The following MAN1A1 variants were observed in gnomAD, a reference collection of about 807,000 sequenced individuals.
The protein encoded by MAN1A1 is mannosidase alpha class 1A member 1.
MAN1A1 carries 29 observed loss-of-function variants against 70.8 expected under a neutral mutation model. That is an observed-to-expected ratio of 0.41 (90% CI 0.31 to 0.56). The LOEUF (loss-of-function observed/expected upper bound fraction) is 0.56. Ranked by LOEUF, MAN1A1 falls within the 20% of genes least tolerant of loss-of-function variation. The probability of loss-of-function intolerance (pLI) is 0.29; values close to 1 mark genes in which losing one functional copy is unlikely to be tolerated. For missense variants in MAN1A1, 747 were observed against 841.3 expected (o/e 0.89, Z 1.39); for synonymous variants, 349 against 330.1 (o/e 1.06, Z -0.62).
chr6:119,287,236 A>G (rs994591002), intron 5 of MAN1A1, among the ~76,000 whole-genome samples: 7 of 152,120 alleles, frequency 4.6e-5, no homozygotes, highest in Non-Finnish European at 7.4e-5. Context: ...GAGATCCCCT[A>G]TGCCAACTTG....
Position 119,306,994 on chromosome 6 carries a change from T to G in MAN1A1, c.604-2A>C. 3 of 1,537,506 alleles carry G rather than the reference T, an allele frequency of 2.0e-6. No individual in the cohort carries two copies. Among genetic ancestry groups the G allele is most frequent in the Non-Finnish European group, 8.9e-7 (1 of 1,118,338 alleles). ...ATTATTCCAAGCATGTTTCATCATCTGAAAAAAAAAATAAAAACAGGATTA... is the reference window on the plus strand; with the variant it reads ...ATTATTCCAAGCATGTTTCATCATCGGAAAAAAAAAATAAAAACAGGATTA... On this transcript the variant is annotated splice_acceptor_variant, in intron 2 of 12. Coordinates refer to ENST00000368468, the MANE Select transcript of MAN1A1 (RefSeq NM_005907.4). LOFTEE classifies it high-confidence loss of function.
At chr6:119,334,167 T>C (rs1773392552) in intron 2 of MAN1A1, among the ~76,000 whole-genome samples, 1 of 152,156 alleles carries the variant, frequency 6.6e-6, no homozygotes, top group African/African-American at 2.4e-5. Context: ...TAAACAGAAA[T>C]AACCTTTGAT....
Position 119,302,025 on chromosome 6 carries a change from G to C in MAN1A1, c.779C>G (p.Ala260Gly), listed in dbSNP as rs756706766. Residue 260 changes from alanine (A) to glycine (G), a missense_variant, in exon 4 of 13, where the codon GCA (alanine) becomes GGA (glycine). By Grantham distance (60) the Ala-to-Gly change is moderately conservative. Coordinates refer to ENST00000368468, the MANE Select transcript of MAN1A1 (RefSeq NM_005907.4). ...TAAATTTTCTTCAACCCATGATTTT[G>C]CTTCTTCAAATTCATGTTTCATTTC... Reference protein sequence around the residue: ...IMEMKHEFEEAKSWVEENLDF... With the variant: ...IMEMKHEFEEGKSWVEENLDF... The C allele has an allele frequency of 1.8e-5, 29 of 1,606,690 alleles. No individual in the cohort carries two copies. Among genetic ancestry groups the C allele is most frequent in the South Asian group, 8.8e-5 (8 of 90,742 alleles).
At chr6:119,241,648 G>A (rs1775005575) in intron 6 of MAN1A1, among the ~76,000 whole-genome samples, 1 of 152,096 alleles carries the variant, frequency 6.6e-6, no homozygotes, top group African/African-American at 2.4e-5. Flanking sequence ...TAATTTTCTA[G>A]GATTTTAAAA....
intron 2 of MAN1A1, among the ~76,000 whole-genome samples, chr6:119,329,684 T>A (rs2114490656): frequency 1.3e-5 from 2 of 152,314 alleles, no homozygotes; most frequent in Non-Finnish European, 2.9e-5. Context: ...TGCTCAGCAG[T>A]GCCCAGCAAG....
At chr6:119,302,168 A>G (rs1303128762) in intron 3 of MAN1A1, 65 bp from the exon 4 acceptor site, 3 of 742,520 alleles carry the variant, frequency 4.0e-6, no homozygotes, top group Non-Finnish European at 7.0e-6. Flanking sequence ...TAAATTGACC[A>G]TAACTAAGAA....
chr6:119,240,221 C>T (rs1182851882), intron 6 of MAN1A1, among the ~76,000 whole-genome samples: 6 of 152,186 alleles, frequency 3.9e-5, no homozygotes, highest in Non-Finnish European at 7.4e-5. Flanking sequence ...AAGCAACTCT[C>T]GGGATAAACT....
chr6:119,198,272 C>A (rs1773626278), intron 8 of MAN1A1, among the ~76,000 whole-genome samples: 2 of 152,174 alleles, frequency 1.3e-5, no homozygotes, highest in South Asian at 4.1e-4. Flanking sequence ...TGCCTGTAGT[C>A]CCAGCTACTC....
chr6:119,260,064 T>G (rs1357521478), intron 5 of MAN1A1, among the ~76,000 whole-genome samples: 1 of 152,206 alleles, frequency 6.6e-6, no homozygotes, highest in Admixed American at 6.5e-5. Flanking sequence ...TAATCTACAT[T>G]GTATACAACA....
At chr6:119,257,382 C>A (rs1775488719) in intron 5 of MAN1A1, among the ~76,000 whole-genome samples, 1 of 152,078 alleles carries the variant, frequency 6.6e-6, no homozygotes, top group African/African-American at 2.4e-5. Context: ...TAGTGCCTCC[C>A]ATTTATGGTA....
chr6:119,233,000 T>C (rs1378412778), intron 6 of MAN1A1, among the ~76,000 whole-genome samples: 1 of 152,230 alleles, frequency 6.6e-6, no homozygotes, highest in Admixed American at 6.5e-5. Context: ...AATTCCATTT[T>C]TTGAAACTTC....
At chr6:119,209,699 C>T (rs995634933) in intron 6 of MAN1A1, among the ~76,000 whole-genome samples, 1 of 152,174 alleles carries the variant, frequency 6.6e-6, no homozygotes, top group Non-Finnish European at 1.5e-5. Flanking sequence ...CTTACAAACG[C>T]GTCCTTCCTG....
chr6:119,303,466 C>G (rs1477483690), intron 3 of MAN1A1, among the ~76,000 whole-genome samples: 1 of 152,212 alleles, frequency 6.6e-6, no homozygotes, highest in Non-Finnish European at 1.5e-5. Flanking sequence ...CTTCCAGTCT[C>G]AAGATGTAAC....
intron 2 of MAN1A1, chr6:119,327,379 T>G (rs556059794): frequency 1.0e-5 from 1 of 95,390 alleles, no homozygotes. Flanking sequence ...AAGCATTCCG[T>G]TTTTTTTTTT....
At chr6:119,281,268 T>G (rs1211736576) in intron 5 of MAN1A1, among the ~76,000 whole-genome samples, 1 of 152,188 alleles carries the variant, frequency 6.6e-6, no homozygotes, top group Non-Finnish European at 1.5e-5. Flanking sequence ...TGGGGACTCT[T>G]GACAAAGTTA....
chr6:119,259,835 T>G (rs929030394), intron 5 of MAN1A1, among the ~76,000 whole-genome samples: 2 of 152,148 alleles, frequency 1.3e-5, no homozygotes, highest in Non-Finnish European at 2.9e-5. Flanking sequence ...TTTTTCCCCA[T>G]GCCAATATTA....
intron 6 of MAN1A1, among the ~76,000 whole-genome samples, chr6:119,232,835 CTT>C (rs1372587637): frequency 6.6e-6 from 1 of 151,976 alleles, no homozygotes; most frequent in Admixed American, 6.6e-5. Flanking sequence ...TGCCTCTTCT[CTT>C]TTACTCTGTT....
chr6:119,325,554 G>A (rs1773124031), intron 2 of MAN1A1, among the ~76,000 whole-genome samples: 1 of 152,104 alleles, frequency 6.6e-6, no homozygotes. Context: ...CTACTCAGGA[G>A]GCTGAGGCAG....
intron 11 of MAN1A1, among the ~76,000 whole-genome samples, chr6:119,183,503 C>T (rs1773208130): frequency 6.6e-6 from 1 of 151,964 alleles, no homozygotes; most frequent in Admixed American, 6.6e-5. Context: ...AAAAAATGGG[C>T]AAGGTTTTTA....
Sources: allele counts gnomAD v4.1 joint callset (sites outside exome capture counted in the v4.1 genomes callset), GRCh38; gene constraint gnomAD v4.1.1; transcripts MANE v1.5; gene names NCBI Gene and HGNC (gene_info 2026-07-23, HGNC 2026-07-21).